The following CCDC102B variants were observed in gnomAD, a reference collection of about 807,000 sequenced individuals.
The protein encoded by CCDC102B is coiled-coil domain-containing protein 102B.
CCDC102B carries 75 observed loss-of-function variants against 57.4 expected under a neutral mutation model. That is an observed-to-expected ratio of 1.31 (90% CI 1.08 to 1.58). CCDC102B has a LOEUF of 1.58. Ranked by LOEUF, CCDC102B falls within the 40% of genes most tolerant of loss-of-function variation. The pLI is 0.00. For synonymous variants in CCDC102B, 206 were observed against 201.9 expected, an observed-to-expected ratio of 1.02 and a Z score of -0.17; for missense variants, 636 against 582.6, an observed-to-expected ratio of 1.09 and a Z score of -0.94.
chr18:68,757,940 G>A (rs2034111745), intron 2 of CCDC102B, among the ~76,000 whole-genome samples: 1 of 151,624 alleles, frequency 6.6e-6, no homozygotes, highest in Non-Finnish European at 1.5e-5. Context: ...AAGATGGTTA[G>A]AATTAATTTA....
chr18:69,035,715 T>C (rs1169456463), intron 7 of CCDC102B, among the ~76,000 whole-genome samples: 3 of 152,094 alleles, frequency 2.0e-5, no homozygotes, highest in Non-Finnish European at 4.4e-5. Context: ...ATACAGTCCT[T>C]AATAAAGTGG....
chr18:68,812,446 A>C (rs2036303399), intron 1 of CCDC102B, among the ~76,000 whole-genome samples: 2 of 152,204 alleles, frequency 1.3e-5, no homozygotes, highest in Admixed American at 1.3e-4. Context: ...GATTATGGTC[A>C]TTATAAAGCA....
At position 68,781,262 on chromosome 18, in the gene CCDC102B, T is replaced by C. The variant is rs143309633; in HGVS notation, c.-66-42104T>C. Among the ~76,000 whole-genome samples, 106 of 152,244 alleles carry C rather than the reference T, an allele frequency of 7.0e-4. 1 individual carries two copies. Among genetic ancestry groups the C allele is most frequent in the East Asian group, 6.4e-3 (33 of 5,184 alleles). On this transcript the variant is annotated intron_variant, in intron 2 of 3. Transcript: ENST00000578970. Reference sequence around the variant, plus strand: ...ATTGAAAAGAAACATCTATGACTTATGTAATATATATTAATTTTATACAAG... The same window carrying C: ...ATTGAAAAGAAACATCTATGACTTACGTAATATATATTAATTTTATACAAG...
intron 2 of CCDC102B, among the ~76,000 whole-genome samples, chr18:68,736,962 G>A (rs550290051): frequency 4.6e-5 from 7 of 151,984 alleles, no homozygotes; most frequent in East Asian, 1.9e-4. Context: ...TGTGTGTGGC[G>A]AGTGACGATG....
chr18:68,967,448 A>T (rs970655892), intron 6 of CCDC102B, among the ~76,000 whole-genome samples: 7 of 144,878 alleles, frequency 4.8e-5, no homozygotes, highest in African/African-American at 1.9e-4. Context: ...GATTTAATAA[A>T]TTGGTAAAAA....
intron 7 of CCDC102B, among the ~76,000 whole-genome samples, chr18:69,048,955 C>T (rs117108654): frequency 0.03 from 4,514 of 150,880 alleles, 149 homozygotes; most frequent in East Asian, 0.16. Context: ...TTATATTTTT[C>T]ATTGTAAATA....
intron 2 of CCDC102B, among the ~76,000 whole-genome samples, chr18:68,763,266 C>T (rs998279856): frequency 1.3e-5 from 2 of 152,080 alleles, no homozygotes; most frequent in African/African-American, 4.8e-5. Context: ...ATGGCACAAC[C>T]TCCTTGGAGA....
At chr18:68,898,453 A>G (rs542353570) in intron 6 of CCDC102B, among the ~76,000 whole-genome samples, 1 of 152,170 alleles carries the variant, frequency 6.6e-6, no homozygotes, top group Admixed American at 6.5e-5. Flanking sequence ...CGTGACCATA[A>G]TTTTCTATTA....
At chr18:68,733,554 T>C (rs1428406303) in intron 2 of CCDC102B, among the ~76,000 whole-genome samples, 1 of 146,778 alleles carries the variant, frequency 6.8e-6, no homozygotes, top group African/African-American at 2.5e-5. Context: ...CTTTAGAGAT[T>C]TCTTTGAAAA....
chr18:68,774,320 T>G (rs1456139498), intron 2 of CCDC102B, among the ~76,000 whole-genome samples: 2 of 151,572 alleles, frequency 1.3e-5, no homozygotes, highest in East Asian at 1.9e-4. Context: ...TAATTATATA[T>G]GTATTTATAT....
chr18:68,815,267 A>C (rs7235581), intron 1 of CCDC102B, among the ~76,000 whole-genome samples: 62,474 of 151,902 alleles, frequency 0.41, 14,176 homozygotes, highest in East Asian at 0.86. Flanking sequence ...CACGGAGGCA[A>C]CAAATATATT....
At chr18:68,858,260 C>A (rs1568293991) in intron 4 of CCDC102B, among the ~76,000 whole-genome samples, 1 of 152,114 alleles carries the variant, frequency 6.6e-6, no homozygotes, top group Non-Finnish European at 1.5e-5. Context: ...ACTTAGCATA[C>A]CTGCATAGAG....
intron 2 of CCDC102B, among the ~76,000 whole-genome samples, chr18:68,750,933 G>A (rs997371360): frequency 6.6e-5 from 10 of 151,326 alleles, no homozygotes; most frequent in Admixed American, 1.3e-4. Flanking sequence ...ATGTACCCTA[G>A]AACTTAAAGT....
At chr18:69,020,042 G>A (rs916653567) in intron 7 of CCDC102B, among the ~76,000 whole-genome samples, 5 of 130,396 alleles carry the variant, frequency 3.8e-5, no homozygotes, top group African/African-American at 1.7e-4. Flanking sequence ...TTTTTCCCCT[G>A]GTGCAAAATT....
chr18:68,739,195 T>C (rs2033279220), intron 2 of CCDC102B, among the ~76,000 whole-genome samples: 1 of 152,042 alleles, frequency 6.6e-6, no homozygotes, highest in African/African-American at 2.4e-5. Flanking sequence ...GGGTTTTCGC[T>C]GTGTTGGCCA....
At chr18:69,033,572 T>C (rs2052206442) in intron 7 of CCDC102B, among the ~76,000 whole-genome samples, 1 of 152,102 alleles carries the variant, frequency 6.6e-6, no homozygotes, top group South Asian at 2.1e-4. Context: ...GCTTATTTTA[T>C]TTAACATACT....
At chr18:68,801,522 G>A (rs2035852271) in intron 1 of CCDC102B, among the ~76,000 whole-genome samples, 2 of 148,824 alleles carry the variant, frequency 1.3e-5, no homozygotes, top group Admixed American at 1.3e-4. Context: ...AATTTTGATA[G>A]AAGGATTTTT....
chr18:68,746,823 C>A (rs1457913360), intron 2 of CCDC102B, among the ~76,000 whole-genome samples: 1 of 151,670 alleles, frequency 6.6e-6, no homozygotes, highest in Non-Finnish European at 1.5e-5. Flanking sequence ...TAATTTTGGA[C>A]ATATAGATAT....
chr18:68,836,807 T>A lies in CCDC102B; in HGVS notation c.44T>A (p.Ile15Asn), dbSNP rs2037393294. Residue 15 changes from isoleucine to asparagine, a missense_variant, in exon 2 of 8, where the codon ATC becomes AAC. Transcript: ENST00000360242. ...SIHRLIEETQ[I>N]FQMQQSSIKS... is the part of the protein sequence containing the mutation. ...CATCGATTAATTGAGGAAACACAGA[T>A]CTTCCAGATGCAACAATCATCAATT... 6.2e-7 allele frequency: 1 copy of A among 1,613,770 alleles called. No homozygotes were observed. Among genetic ancestry groups the A allele is most frequent in the Non-Finnish European group, 8.5e-7 (1 of 1,179,840 alleles).
Sources: gnomAD v4.1 joint callset for allele counts (sites outside exome capture counted in the v4.1 genomes callset) on GRCh38, gnomAD v4.1.1 for gene constraint, MANE v1.5 for transcripts, NCBI Gene and HGNC (gene_info 2026-07-23, HGNC 2026-07-21) for gene names.